Variants in GALNTL6 observed in about 807,000 individuals in gnomAD.
GALNTL6 encodes polypeptide N-acetylgalactosaminyltransferase-like 6.
Under a neutral mutation model 73.7 loss-of-function variants are expected in GALNTL6, and 46 were observed. The ratio of observed to expected loss-of-function variants is 0.62; its 90% CI spans 0.49 to 0.80. GALNTL6 has a LOEUF of 0.80. Among genes scored for constraint, GALNTL6 ranks in the 30% least tolerant of loss-of-function variants. The probability of loss-of-function intolerance (pLI) is 0.00; values close to 1 mark genes in which losing one functional copy is unlikely to be tolerated. For missense variants in GALNTL6, 604 were observed against 755.0 expected, an observed-to-expected ratio of 0.80 and a Z score of 2.34; for synonymous variants, 259 against 263.7, an observed-to-expected ratio of 0.98 and a Z score of 0.17.
chr4:173,018,014 C>T (rs1303765806), intron 11 of GALNTL6, among the ~76,000 whole-genome samples: 1 of 152,160 alleles, frequency 6.6e-6, no homozygotes, highest in African/African-American at 2.4e-5. Context: ...TCATGAGGGA[C>T]TGTACTAGGT....
chr4:172,412,341 GGAAATATTTTA>G (rs1347395273), intron 5 of GALNTL6, among the ~76,000 whole-genome samples: 3 of 152,036 alleles, frequency 2.0e-5, no homozygotes, highest in Non-Finnish European at 4.4e-5. Flanking sequence ...CACGCTGGAT[GGAAATATTTTA>G]GATAATGAGA....
chr4:172,585,800 A>C (rs983126674), intron 5 of GALNTL6, among the ~76,000 whole-genome samples: 1 of 152,206 alleles, frequency 6.6e-6, no homozygotes, highest in African/African-American at 2.4e-5. Context: ...AGGAACTTAA[A>C]CAAATTTACA....
chr4:172,611,568 G>A (rs1738528108), intron 5 of GALNTL6, among the ~76,000 whole-genome samples: 3 of 151,934 alleles, frequency 2.0e-5, no homozygotes, highest in Admixed American at 6.6e-5. Flanking sequence ...TTTCTTTGTA[G>A]GTAATCTGCC....
At chr4:172,519,401 C>G (rs1734705612) in intron 5 of GALNTL6, among the ~76,000 whole-genome samples, 1 of 151,026 alleles carries the variant, frequency 6.6e-6, no homozygotes, top group Non-Finnish European at 1.5e-5. Context: ...TAGTAGTTGA[C>G]CAACCCTCTT....
intron 5 of GALNTL6, among the ~76,000 whole-genome samples, chr4:172,583,774 G>T (rs1430698971): frequency 6.6e-6 from 1 of 151,420 alleles, no homozygotes; most frequent in South Asian, 2.1e-4. Context: ...GCACACGCCT[G>T]TAATCCCAGC....
At chr4:171,911,703 A>G (rs1737482016) in intron 2 of GALNTL6, among the ~76,000 whole-genome samples, 1 of 152,216 alleles carries the variant, frequency 6.6e-6, no homozygotes. Context: ...AACTGTCCAT[A>G]TTATCAAAGT....
intron 2 of GALNTL6, among the ~76,000 whole-genome samples, chr4:172,124,081 T>C (rs1201502786): frequency 6.6e-6 from 1 of 152,172 alleles, no homozygotes; most frequent in African/African-American, 2.4e-5. Flanking sequence ...CTGATGGAAG[T>C]TTGTTATAAT....
chr4:172,185,942 A>G (rs1560959604), intron 2 of GALNTL6, among the ~76,000 whole-genome samples: 1 of 152,230 alleles, frequency 6.6e-6, no homozygotes, highest in African/African-American at 2.4e-5. Flanking sequence ...GCAATTTCTC[A>G]GAAGGAAGGA....
rs1190835963 is a variant in GALNTL6 at position 172,508,823 on chromosome 4, G to T, written c.553+160134G>T. Among the ~76,000 whole-genome samples, 3 of 46,478 alleles carry T rather than the reference G, an allele frequency of 6.5e-5. 1 individual carries two copies. Among genetic ancestry groups the T allele is most frequent in the Non-Finnish European group, 1.5e-4 (3 of 20,542 alleles). 30.5% of individuals were successfully genotyped at this position (46,478 alleles called of 152,430 possible). A position where few individuals can be genotyped will look rare whatever the true frequency, so the allele number is the denominator to read the frequency against. Reference sequence around the variant, plus strand: ...CAACTCATTGATTGATGGGCATTTGGGCTGGCTCCATATTTTGCAATTGTG... The same window carrying T: ...CAACTCATTGATTGATGGGCATTTGTGCTGGCTCCATATTTTGCAATTGTG... On this transcript the variant is annotated intron_variant, in intron 5 of 12. Transcript: ENST00000506823.
At chr4:172,803,699 CT>C (rs1478771279) in intron 5 of GALNTL6, among the ~76,000 whole-genome samples, 3 of 152,060 alleles carry the variant, frequency 2.0e-5, no homozygotes, top group Non-Finnish European at 2.9e-5. Context: ...CATTCTAATT[CT>C]TTTTTTCTTT....
chr4:171,887,252 T>TG (rs1257816926), intron 2 of GALNTL6, among the ~76,000 whole-genome samples: 2 of 152,150 alleles, frequency 1.3e-5, no homozygotes. Context: ...ACATTTGCGT[T>TG]GGGGTTTAAG....
chr4:172,996,013 T>G (rs1170834652), intron 10 of GALNTL6, among the ~76,000 whole-genome samples: 1 of 152,164 alleles, frequency 6.6e-6, no homozygotes, highest in East Asian at 1.9e-4. Flanking sequence ...AGAAAAAAAT[T>G]TAACTGTGGT....
chr4:172,425,828 C>A (rs1489034776), intron 5 of GALNTL6, among the ~76,000 whole-genome samples: 1 of 151,958 alleles, frequency 6.6e-6, no homozygotes, highest in East Asian at 1.9e-4. Context: ...AGAAATAATT[C>A]TAGTATCAAA....
chr4:172,389,026 C>T (rs1380647031), intron 5 of GALNTL6, among the ~76,000 whole-genome samples: 1 of 151,832 alleles, frequency 6.6e-6, no homozygotes, highest in Non-Finnish European at 1.5e-5. Context: ...TAAAATCATC[C>T]TCCGAATTTA....
chr4:172,223,285 A>G (rs915650884), intron 2 of GALNTL6, among the ~76,000 whole-genome samples: 1 of 152,168 alleles, frequency 6.6e-6, no homozygotes, highest in Non-Finnish European at 1.5e-5. Flanking sequence ...AATTCTTTCC[A>G]CCAAAAAAAT....
At chr4:172,468,260 T>A (rs1732913665) in intron 5 of GALNTL6, among the ~76,000 whole-genome samples, 1 of 152,202 alleles carries the variant, frequency 6.6e-6, no homozygotes, top group Non-Finnish European at 1.5e-5. Context: ...TTTTATTGAA[T>A]CATTTTTTAA....
chr4:172,286,529 A>G (rs1163437965), intron 3 of GALNTL6, among the ~76,000 whole-genome samples: 2 of 152,216 alleles, frequency 1.3e-5, no homozygotes, highest in Non-Finnish European at 2.9e-5. Flanking sequence ...CAATACAGCA[A>G]ATCTTCAAAA....
At chr4:171,906,844 A>G (rs530116672) in intron 2 of GALNTL6, among the ~76,000 whole-genome samples, 119 of 152,224 alleles carry the variant, frequency 7.8e-4, no homozygotes, top group African/African-American at 2.5e-3. Context: ...TTCAATATAC[A>G]CAAATCAATA....
chr4:173,019,267 GC>G (rs1171006823), intron 11 of GALNTL6, among the ~76,000 whole-genome samples: 1 of 152,220 alleles, frequency 6.6e-6, no homozygotes, highest in Non-Finnish European at 1.5e-5. Flanking sequence ...CATGGGACAT[GC>G]AGCTGGGAAA....
Sources: allele counts gnomAD v4.1 joint callset (sites outside exome capture counted in the v4.1 genomes callset), GRCh38; gene constraint gnomAD v4.1.1; transcripts MANE v1.5; gene names NCBI Gene and HGNC (gene_info 2026-07-23, HGNC 2026-07-21).